MVP: variants seen among roughly 807,000 people sequenced by gnomAD.
The protein encoded by MVP is lung resistance-related protein.
A neutral mutation model predicts 83.5 loss-of-function variants in MVP; 62 were observed. The observed-to-expected ratio is 0.74, with a 90% CI of 0.61 to 0.92. The LOEUF (loss-of-function observed/expected upper bound fraction) is 0.92. MVP is among the 40% of genes least tolerant of loss of function. The probability of loss-of-function intolerance (pLI) is 0.00; values close to 1 mark genes in which losing one functional copy is unlikely to be tolerated. For synonymous variants in MVP, 505 were observed against 504.1 expected, an observed-to-expected ratio of 1.00 and a Z score of -0.02; for missense variants, 1,000 against 1,203.4, an observed-to-expected ratio of 0.83 and a Z score of 2.50.
At chr16:29,844,991 G>A in intron 11 of MVP, 112 bp downstream of exon 11, 1 of 1,393,506 alleles carries the variant, frequency 7.2e-7, no homozygotes, top group Non-Finnish European at 9.6e-7. Flanking sequence ...TACCCTCAAA[G>A]ATCTATTCCC....
chr16:29,827,072 C>T (rs990957063), intron 1 of MVP, among the ~76,000 whole-genome samples: 3 of 151,900 alleles, frequency 2.0e-5, no homozygotes, highest in Non-Finnish European at 2.9e-5. Context: ...GAAGAAAAGA[C>T]AAGGTCCCCA....
intron 6 of MVP, among the ~76,000 whole-genome samples, chr16:29,836,311 A>G (rs2067486864): frequency 1.3e-5 from 2 of 150,970 alleles, no homozygotes; most frequent in Non-Finnish European, 2.9e-5. Flanking sequence ...GCAGTGGCTC[A>G]TGCCTGTAAT....
At chr16:29,822,236 G>T (rs772833341) in intron 1 of MVP, among the ~76,000 whole-genome samples, 2 of 151,986 alleles carry the variant, frequency 1.3e-5, no homozygotes, top group South Asian at 2.1e-4. Flanking sequence ...GTGTTAATTG[G>T]CAGGAGTGGG....
rs141900069 is a variant in MVP, at chr16:29,844,639, A to C, written c.1781A>C (p.Asn594Thr). ...GTCACTTTCGATGACTTCCATAAGA[A>C]CTCAGCCCGCATCATTCGCACTGCT... is the stretch of plus-strand genomic sequence containing the variant. ...ASVTFDDFHKNSARIIRTAVF... is the reference protein window; with the variant it reads ...ASVTFDDFHKTSARIIRTAVF... Residue 594 changes from asparagine to threonine, a missense_variant, in exon 11 of 15, where the codon AAC (asparagine) becomes ACC (threonine). By Grantham distance (65) the Asn-to-Thr change is moderately conservative. Transcript: ENST00000357402. 6.2e-7 allele frequency: 1 copy of C among 1,614,042 alleles called. No homozygotes were observed. Among genetic ancestry groups the C allele is most frequent in the Non-Finnish European group, 8.5e-7 (1 of 1,179,958 alleles).
At chr16:29,831,138 C>T (rs1268722319) in intron 3 of MVP, 65 bp downstream of exon 3, 4 of 1,397,102 alleles carry the variant, frequency 2.9e-6, no homozygotes, top group Non-Finnish European at 3.9e-6. Flanking sequence ...GGGCTCTATA[C>T]TGCTGCCTTC....
Position 29,830,639 on chromosome 16 carries a change from C to A in MVP, c.90C>A (p.Val30=). Residue 30 remains valine (V), a synonymous_variant, in exon 2 of 15, where the codon GTC becomes GTA. Transcript: ENST00000357402. ...ACAGCAACGTGTCCCGTGTGGAGGT[C>A]GGGCCAAAGACCTACATCCGGCAGG... ...DQNSNVSRVE[V]GPKTYIRQDN... 6.2e-7 allele frequency: 1 copy of A among 1,613,942 alleles called. No homozygotes were observed. Among genetic ancestry groups the A allele is most frequent in the South Asian group, 1.1e-5 (1 of 91,054 alleles).
In MVP at chr16:29,847,986, C is replaced by G. The variant is rs553766111; in HGVS notation, c.2679C>G (p.Arg893=). Residue 893 remains arginine (R), a synonymous_variant, in exon 15 of 15, where the codon CGC becomes CGG. Transcript: ENST00000357402. Reference sequence around the variant, plus strand: ...ACAACCACGTGGTGCCTGTACTGCGCTAACTCCTGATTAATACAATGGAAG... The same window carrying G: ...ACAACCACGTGGTGCCTGTACTGCGGTAACTCCTGATTAATACAATGGAAG... ...PGDNHVVPVL[R] is the part of the protein sequence containing the mutation. 2.5e-6 allele frequency: 4 copies of G among 1,605,902 alleles called. No individual in the cohort carries two copies. The highest frequency in any genetic ancestry group is 3.4e-6 in the Non-Finnish European group (4 of 1,177,640).
At chr16:29,823,423 CTAG>C (rs1207644193) in intron 1 of MVP, among the ~76,000 whole-genome samples, 2 of 152,100 alleles carry the variant, frequency 1.3e-5, no homozygotes, top group Non-Finnish European at 2.9e-5. Context: ...GCCACCAAGC[CTAG>C]TCAACAGTCA....
chr16:29,845,486 G>A (rs948870264), intron 11 of MVP, among the ~76,000 whole-genome samples: 1 of 152,106 alleles, frequency 6.6e-6, no homozygotes, highest in Non-Finnish European at 1.5e-5. Context: ...CTCCCTTCCA[G>A]GCAGGCTTCT....
At chr16:29,823,173 C>T (rs1180879808) in intron 1 of MVP, among the ~76,000 whole-genome samples, 1 of 131,288 alleles carries the variant, frequency 7.6e-6, no homozygotes, top group East Asian at 2.1e-4. Flanking sequence ...CAGGCTAGAG[C>T]GCACTCGTGT....
intron 5 of MVP, 81 bp downstream of exon 5, chr16:29,834,147 G>A: frequency 6.5e-7 from 1 of 1,542,838 alleles, no homozygotes; most frequent in South Asian, 1.2e-5. Flanking sequence ...GTTGAGGAAA[G>A]CCTCCTGTAG....
intron 5 of MVP, 55 bp downstream of exon 5, chr16:29,834,121 G>T: frequency 6.3e-7 from 1 of 1,582,134 alleles, no homozygotes. Context: ...CCCCACTGCA[G>T]GGGAAGCAGG....
chr16:29,839,783 CAAAAAAAA>C (rs71373206), intron 7 of MVP, among the ~76,000 whole-genome samples: 2 of 47,368 alleles, frequency 4.2e-5, no homozygotes, highest in African/African-American at 1.9e-4. Flanking sequence ...AAGACTATCT[CAAAAAAAA>C]AAAAAAAAAA....
intron 7 of MVP, among the ~76,000 whole-genome samples, chr16:29,838,924 C>T (rs548807262): frequency 2.6e-5 from 4 of 152,292 alleles, no homozygotes; most frequent in East Asian, 1.9e-4. Flanking sequence ...CAGTGGCTCA[C>T]GCCTGTAATC....
intron 10 of MVP, among the ~76,000 whole-genome samples, chr16:29,843,158 T>C (rs1370310311): frequency 1.3e-5 from 2 of 152,026 alleles, no homozygotes; most frequent in Non-Finnish European, 2.9e-5. Flanking sequence ...CAGAGCTCAA[T>C]AGCAGCTATT....
chr16:29,824,574 G>A (rs1466611938), intron 1 of MVP, among the ~76,000 whole-genome samples: 2 of 152,164 alleles, frequency 1.3e-5, no homozygotes, highest in East Asian at 3.9e-4. Context: ...AGACCACCCT[G>A]GGGTGAAACC....
chr16:29,838,360 C>T (rs1046962584), intron 7 of MVP, among the ~76,000 whole-genome samples: 70 of 150,912 alleles, frequency 4.6e-4, no homozygotes, highest in African/African-American at 1.6e-3. Context: ...TGCTTGAACC[C>T]GGGAGGCGGA....
chr16:29,831,081 G>T lies in MVP; in HGVS notation c.321+8G>T. The T allele has an allele frequency of 6.2e-7, 1 of 1,608,662 alleles. No individual in the cohort carries two copies. On this transcript the variant is annotated splice_region_variant and intron_variant, in intron 3 of 14. Coordinates refer to ENST00000357402, the MANE Select transcript of MVP (RefSeq NM_005115.5). ...GGGGAGGTGCTGGAAAAGGTACCTG[G>T]TTTCCTCACTCCCTATGCCCCACCC...
At chr16:29,847,718 G>C in intron 14 of MVP, 44 bp from the exon 15 acceptor site, 1 of 1,585,528 alleles carries the variant, frequency 6.3e-7, no homozygotes, top group Non-Finnish European at 8.6e-7. Context: ...GAAGTGGCCA[G>C]GGTTTGACGC....
Sources: gnomAD v4.1 joint callset for allele counts (sites outside exome capture counted in the v4.1 genomes callset) on GRCh38, gnomAD v4.1.1 for gene constraint, MANE v1.5 for transcripts, NCBI Gene and HGNC (gene_info 2026-07-23, HGNC 2026-07-21) for gene names.